The following CFAP20DC variants were observed in gnomAD, a reference collection of about 807,000 sequenced individuals.
CFAP20DC encodes the protein protein CFAP20DC.
CFAP20DC carries 84 observed loss-of-function variants against 101.7 expected under a neutral mutation model. The ratio of observed to expected loss-of-function variants is 0.83; its 90% CI spans 0.69 to 0.99. The LOEUF (loss-of-function observed/expected upper bound fraction) is 0.99, where lower values mean the gene tolerates loss of function less well. Among genes scored for constraint, CFAP20DC ranks in the 50% least tolerant of loss-of-function variants. CFAP20DC has a pLI of 0.00. For synonymous variants in CFAP20DC, 359 were observed against 351.2 expected, an observed-to-expected ratio of 1.02 and a Z score of -0.25; for missense variants, 1,007 against 970.3, an observed-to-expected ratio of 1.04 and a Z score of -0.50.
chr3:58,948,243 T>C (rs182879790), intron 4 of CFAP20DC, among the ~76,000 whole-genome samples: 3 of 152,344 alleles, frequency 2.0e-5, no homozygotes, highest in Non-Finnish European at 4.4e-5. Flanking sequence ...TTTCATGCCT[T>C]TGCTTATGCA....
At chr3:59,021,073 A>G (rs1261381371) in intron 4 of CFAP20DC, among the ~76,000 whole-genome samples, 1 of 152,066 alleles carries the variant, frequency 6.6e-6, no homozygotes, top group African/African-American at 2.4e-5. Context: ...CTAAGGCCCT[A>G]GATGGAAGAT....
At chr3:58,733,688 A>G (rs9866165) in intron 3 of CFAP20DC, among the ~76,000 whole-genome samples, 18,197 of 152,200 alleles carry the variant, frequency 0.12, 1,954 homozygotes, top group East Asian at 0.35. Flanking sequence ...CAGACCCGAA[A>G]TATTACAAAT....
rs1433828951 is a variant in CFAP20DC, at chr3:58,899,722, G to C, written c.550+13986C>G. Among the ~76,000 whole-genome samples, 1 of 152,142 alleles carries C rather than the reference G, an allele frequency of 6.6e-6. No homozygotes were observed. The highest frequency in any genetic ancestry group is 6.5e-5 in the Admixed American group (1 of 15,280). On this transcript the variant is annotated intron_variant, in intron 6 of 16. Transcript: ENST00000482387. The surrounding 1 kb of genome is among the most constrained non-coding windows in gnomAD (Gnocchi z 5.0). ...ACTCACCGCTTCCCTTGGCTGGGGT[G>C]GGGGGACTGTTGGCTTCATGCCACT... is the stretch of plus-strand genomic sequence containing the variant.
At chr3:59,040,287 G>T (rs191301729) in intron 3 of CFAP20DC, among the ~76,000 whole-genome samples, 1 of 152,044 alleles carries the variant, frequency 6.6e-6, no homozygotes, top group East Asian at 1.9e-4. Flanking sequence ...AATATTTGCA[G>T]AGAAACCAGT....
chr3:58,951,798 C>T (rs2090140822), intron 4 of CFAP20DC, among the ~76,000 whole-genome samples: 1 of 151,986 alleles, frequency 6.6e-6, no homozygotes, highest in South Asian at 2.1e-4. Flanking sequence ...AGGAGATACA[C>T]CTAATGTTAA....
In CFAP20DC at chr3:59,049,658, G is replaced by T; in HGVS notation, c.-27C>A. 6.5e-7 allele frequency: 1 copy of T among 1,535,890 alleles called. No individual in the cohort carries two copies. Among genetic ancestry groups the T allele is most frequent in the Non-Finnish European group, 8.7e-7 (1 of 1,146,772 alleles). On this transcript the variant is annotated 5_prime_UTR_variant, in exon 1 of 17. Coordinates refer to ENST00000482387, the MANE Select transcript of CFAP20DC (RefSeq NM_001394063.1). ...CCCGCAGGGGGCCCAGGGCTTGGGGGGCACAGAGTTCAGGGTTTCCAGCGA... is the reference window on the plus strand; with the variant it reads ...CCCGCAGGGGGCCCAGGGCTTGGGGTGCACAGAGTTCAGGGTTTCCAGCGA...
intron 15 of CFAP20DC, among the ~76,000 whole-genome samples, chr3:58,766,877 T>C (rs2070367259): frequency 6.6e-6 from 1 of 152,210 alleles, no homozygotes; most frequent in Non-Finnish European, 1.5e-5. Flanking sequence ...CCAGCCTTTG[T>C]ATTTTGGCTA....
chr3:58,828,180 G>C (rs1280949295), intron 14 of CFAP20DC, among the ~76,000 whole-genome samples: 1 of 152,130 alleles, frequency 6.6e-6, no homozygotes, highest in African/African-American at 2.4e-5. Context: ...TCACTGAAAG[G>C]CTTTACCTAA....
chr3:58,871,160 G>A (rs1227119802), intron 7 of CFAP20DC, among the ~76,000 whole-genome samples: 3 of 152,026 alleles, frequency 2.0e-5, no homozygotes, highest in Non-Finnish European at 1.5e-5. Context: ...CATGGACCCT[G>A]AATGATGGAT....
intron 4 of CFAP20DC, among the ~76,000 whole-genome samples, chr3:59,035,738 C>T (rs547264003): frequency 6.6e-5 from 10 of 152,186 alleles, no homozygotes; most frequent in African/African-American, 2.2e-4. Flanking sequence ...CAGAACCAGA[C>T]AGATTCACAG....
At chr3:58,975,246 T>C (rs2092208957) in intron 4 of CFAP20DC, among the ~76,000 whole-genome samples, 1 of 152,164 alleles carries the variant, frequency 6.6e-6, no homozygotes, top group Admixed American at 6.5e-5. Flanking sequence ...AGTAGGTATC[T>C]CGTTGGTAAG....
chr3:58,831,361 T>C (rs939083483), intron 14 of CFAP20DC, among the ~76,000 whole-genome samples: 1 of 152,270 alleles, frequency 6.6e-6, no homozygotes, highest in Non-Finnish European at 1.5e-5. Context: ...ATTGAGCCTC[T>C]TGTATGTGCC....
At chr3:58,990,035 A>G (rs1049506185) in intron 4 of CFAP20DC, among the ~76,000 whole-genome samples, 1 of 152,180 alleles carries the variant, frequency 6.6e-6, no homozygotes, top group Non-Finnish European at 1.5e-5. Flanking sequence ...TTAAATGCCT[A>G]AGAGGTGCCT....
chr3:58,719,116 C>T (rs752707768), intron 3 of CFAP20DC, among the ~76,000 whole-genome samples: 10 of 152,156 alleles, frequency 6.6e-5, no homozygotes, highest in Admixed American at 2.0e-4. Context: ...TGGTGGCACA[C>T]GCCTGTAGTC....
chr3:58,753,750 T>C lies in CFAP20DC; in HGVS notation c.2332+19A>G. The C allele has an allele frequency of 6.6e-7, 1 of 1,508,278 alleles. No homozygotes were observed. The highest frequency in any genetic ancestry group is 9.2e-7 in the Non-Finnish European group (1 of 1,085,908). 93.4% of individuals were successfully genotyped at this position (1,508,278 alleles called of 1,614,324 possible). ...AATTATTTTTATTTTCTTATGCATA[T>C]CGTTTTTCATAGTCCCACCTTGAAC... On this transcript the variant is annotated intron_variant, in intron 16 of 16. Coordinates refer to ENST00000482387, the MANE Select transcript of CFAP20DC (RefSeq NM_001394063.1).
At chr3:58,796,971 G>C (rs9822465) in intron 15 of CFAP20DC, among the ~76,000 whole-genome samples, 1 of 152,076 alleles carries the variant, frequency 6.6e-6, no homozygotes, top group Admixed American at 6.6e-5. Flanking sequence ...TAGTAAATGC[G>C]GTTTGTATTC....
chr3:58,733,007 G>A (rs773450729), intron 3 of CFAP20DC, among the ~76,000 whole-genome samples: 20 of 152,202 alleles, frequency 1.3e-4, no homozygotes, highest in South Asian at 6.2e-4. Context: ...TTTTGTCTAC[G>A]GGGAAGAGAG....
chr3:58,952,956 C>T (rs191599801), intron 4 of CFAP20DC, among the ~76,000 whole-genome samples: 9 of 152,204 alleles, frequency 5.9e-5, no homozygotes, highest in African/African-American at 1.7e-4. Flanking sequence ...AAAACAAGGT[C>T]TCCAGCTTGT....
chr3:59,028,556 T>G (rs2093932563), intron 4 of CFAP20DC, among the ~76,000 whole-genome samples: 1 of 152,312 alleles, frequency 6.6e-6, no homozygotes, highest in South Asian at 2.1e-4. Flanking sequence ...CATATATGTA[T>G]AGTCAAATAG....
Sources: gnomAD v4.1 joint callset for allele counts (sites outside exome capture counted in the v4.1 genomes callset) on GRCh38, gnomAD v4.1.1 for gene constraint, Gnocchi (gnomAD v3.1) non-coding constraint, MANE v1.5 for transcripts, NCBI Gene and HGNC (gene_info 2026-07-23, HGNC 2026-07-21) for gene names.